Variants in NEGR1 observed in about 807,000 individuals in gnomAD.
The protein encoded by NEGR1 is neuronal growth regulator 1.
A neutral mutation model predicts 40.9 loss-of-function variants in NEGR1; 10 were observed. The observed-to-expected ratio is 0.24, with a 90% confidence interval of 0.15 to 0.42. NEGR1 has a LOEUF of 0.42. NEGR1 is among the 10% of genes least tolerant of loss of function. The pLI is 1.00. For missense variants in NEGR1, 352 were observed against 438.9 expected, an observed-to-expected ratio of 0.80 and a Z score of 1.77; for synonymous variants, 185 against 166.8, an observed-to-expected ratio of 1.11 and a Z score of -0.84.
chr1:71,690,358 C>A (rs1653213591), intron 4 of NEGR1, among the ~76,000 whole-genome samples: 1 of 151,668 alleles, frequency 6.6e-6, no homozygotes, highest in South Asian at 2.1e-4. Context: ...AGGAAACATG[C>A]TGAAAAAGCT....
intron 4 of NEGR1, among the ~76,000 whole-genome samples, chr1:71,625,185 C>T (rs1187238522): frequency 2.6e-5 from 4 of 151,844 alleles, no homozygotes; most frequent in Non-Finnish European, 5.9e-5. Context: ...TATCATGTGC[C>T]TCTAAAAGAA....
intron 1 of NEGR1, among the ~76,000 whole-genome samples, chr1:72,097,973 T>G (rs1183801537): frequency 6.6e-6 from 1 of 152,214 alleles, no homozygotes; most frequent in Non-Finnish European, 1.5e-5. Flanking sequence ...CTGTTCCCTT[T>G]CTTTACACTG....
At chr1:71,600,292 A>T (rs969680501) in intron 5 of NEGR1, among the ~76,000 whole-genome samples, 2 of 152,356 alleles carry the variant, frequency 1.3e-5, no homozygotes, top group Middle Eastern at 3.4e-3. Flanking sequence ...CGTTGGGGAC[A>T]TGATAGTGAA....
At chr1:71,743,872 C>A (rs2125774) in intron 3 of NEGR1, among the ~76,000 whole-genome samples, 3,760 of 152,254 alleles carry the variant, frequency 0.025, 67 homozygotes, top group Non-Finnish European at 0.037. Flanking sequence ...AGACTGCACT[C>A]TTTGCTCCTC....
intron 6 of NEGR1, among the ~76,000 whole-genome samples, chr1:71,545,933 G>T (rs1190394223): frequency 6.6e-6 from 1 of 151,656 alleles, no homozygotes; most frequent in Non-Finnish European, 1.5e-5. Context: ...CTAAATATAT[G>T]ATATCCATGA....
chr1:71,781,570 T>C lies in NEGR1; in HGVS notation c.410-5273A>G, dbSNP rs186803410. ...TAGGATGCCAGGGCTAAAAGGTAGA[T>C]GGAATATTTATTTAATCTGGCTCAT... On this transcript the variant is annotated intron_variant, in intron 2 of 6. Coordinates refer to ENST00000357731, the MANE Select transcript of NEGR1 (RefSeq NM_173808.3). Among the ~76,000 whole-genome samples, 799 of 152,250 alleles carry C rather than the reference T, an allele frequency of 5.2e-3. 3 individuals are homozygous for C. Among genetic ancestry groups the C allele is most frequent in the Non-Finnish European group, 8.8e-3 (599 of 68,018 alleles).
intron 3 of NEGR1, among the ~76,000 whole-genome samples, chr1:71,723,793 AG>A (rs1052053137): frequency 6.6e-6 from 1 of 152,122 alleles, no homozygotes; most frequent in Non-Finnish European, 1.5e-5. Flanking sequence ...GTTGGGCAAA[AG>A]TACAGGTGTC....
At chr1:72,208,134 G>T (rs1314856772) in intron 1 of NEGR1, among the ~76,000 whole-genome samples, 1 of 151,614 alleles carries the variant, frequency 6.6e-6, no homozygotes, top group Non-Finnish European at 1.5e-5. Flanking sequence ...AGAATGTATG[G>T]CTAGCAGTAA....
At chr1:71,913,240 A>G (rs1165685653) in intron 2 of NEGR1, among the ~76,000 whole-genome samples, 2 of 151,944 alleles carry the variant, frequency 1.3e-5, no homozygotes, top group African/African-American at 4.8e-5. Flanking sequence ...CTCAGCCTCC[A>G]AGTAGCTGGG....
At chr1:71,427,310 A>C (rs1646434978) in intron 6 of NEGR1, among the ~76,000 whole-genome samples, 1 of 152,162 alleles carries the variant, frequency 6.6e-6, no homozygotes, top group Non-Finnish European at 1.5e-5. Flanking sequence ...TAGCCGTGCC[A>C]ATAGCATGGA....
At chr1:71,965,149 T>C (rs1646200063) in intron 1 of NEGR1, among the ~76,000 whole-genome samples, 1 of 152,142 alleles carries the variant, frequency 6.6e-6, no homozygotes, top group Non-Finnish European at 1.5e-5. Context: ...GTTCTAGCCA[T>C]CACCACTTTT....
At chr1:71,545,383 C>T (rs74722441) in intron 6 of NEGR1, among the ~76,000 whole-genome samples, 1,678 of 151,772 alleles carry the variant, frequency 0.011, 10 homozygotes, top group Non-Finnish European at 0.017. Flanking sequence ...GCAAGAAATG[C>T]TCTCCTGAAC....
At chr1:71,565,584 A>G (rs1468851530) in intron 6 of NEGR1, among the ~76,000 whole-genome samples, 1 of 152,198 alleles carries the variant, frequency 6.6e-6, no homozygotes, top group East Asian at 1.9e-4. Flanking sequence ...GCATGCAGAC[A>G]AAAACCTGCA....
chr1:71,420,320 T>C (rs957219115), intron 6 of NEGR1, among the ~76,000 whole-genome samples: 1 of 152,082 alleles, frequency 6.6e-6, no homozygotes, highest in African/African-American at 2.4e-5. Context: ...CTTTGAGACT[T>C]ACATAAGTCA....
chr1:71,769,222 C>T (rs532046772), intron 3 of NEGR1, among the ~76,000 whole-genome samples: 1 of 151,558 alleles, frequency 6.6e-6, no homozygotes, highest in African/African-American at 2.4e-5. Context: ...ATATGTAATA[C>T]AATTTTTATT....
chr1:71,557,156 T>C (rs1648279437), intron 6 of NEGR1, among the ~76,000 whole-genome samples: 1 of 151,636 alleles, frequency 6.6e-6, no homozygotes, highest in Non-Finnish European at 1.5e-5. Flanking sequence ...GTAGAGATAG[T>C]TCATCTTGCA....
intron 6 of NEGR1, among the ~76,000 whole-genome samples, chr1:71,526,551 T>A (rs1322554658): frequency 4.0e-5 from 6 of 151,318 alleles, no homozygotes; most frequent in African/African-American, 1.5e-4. Flanking sequence ...CAGAGAGAGG[T>A]GGGAGTCATC....
intron 1 of NEGR1, among the ~76,000 whole-genome samples, chr1:72,016,653 A>G (rs1646712684): frequency 2.0e-5 from 3 of 152,192 alleles, no homozygotes; most frequent in African/African-American, 7.2e-5. Flanking sequence ...AACTTGGAAG[A>G]CTAAAAGATG....
At chr1:71,579,953 A>G (rs763980675) in intron 6 of NEGR1, among the ~76,000 whole-genome samples, 9 of 152,202 alleles carry the variant, frequency 5.9e-5, no homozygotes, top group Non-Finnish European at 1.2e-4. Context: ...TGTAAGAAAG[A>G]ATTGGTTTGT....
Sources: gnomAD v4.1 joint callset for allele counts (sites outside exome capture counted in the v4.1 genomes callset) on GRCh38, gnomAD v4.1.1 for gene constraint, MANE v1.5 for transcripts, NCBI Gene and HGNC (gene_info 2026-07-23, HGNC 2026-07-21) for gene names.